NSG2: variants seen among roughly 807,000 people sequenced by gnomAD.
NSG2 encodes the protein neuronal vesicle trafficking-associated protein 2.
Under a neutral mutation model 16.9 loss-of-function variants are expected in NSG2, and 4 were observed. That is an observed-to-expected ratio of 0.24 (90% confidence interval 0.12 to 0.54). The LOEUF is 0.54. Ranked by LOEUF, NSG2 falls within the 20% of genes least tolerant of loss-of-function variation. The pLI is 0.95. For synonymous variants in NSG2, 98 were observed against 88.7 expected (o/e 1.11, Z -0.59); for missense variants, 179 against 221.1 (o/e 0.81, Z 1.21).
At chr5:174,099,940 T>C (rs1043962914) in intron 3 of NSG2, among the ~76,000 whole-genome samples, 1 of 152,154 alleles carries the variant, frequency 6.6e-6, no homozygotes, top group African/African-American at 2.4e-5. Flanking sequence ...CCCTGTAGAC[T>C]GTGAGGTCTC....
At chr5:174,079,361 G>A (rs1243533183) in intron 3 of NSG2, among the ~76,000 whole-genome samples, 1 of 151,814 alleles carries the variant, frequency 6.6e-6, no homozygotes, top group Non-Finnish European at 1.5e-5. Flanking sequence ...GGGCTCAAGC[G>A]ATTCTCCTGC....
At chr5:174,063,205 G>A (rs952832290) in intron 2 of NSG2, among the ~76,000 whole-genome samples, 5 of 152,224 alleles carry the variant, frequency 3.3e-5, no homozygotes, top group Non-Finnish European at 7.3e-5. Context: ...TTACAGATGA[G>A]ACCCTGAGGC....
chr5:174,088,025 AC>A (rs1760660788), intron 3 of NSG2, among the ~76,000 whole-genome samples: 1 of 151,920 alleles, frequency 6.6e-6, no homozygotes, highest in South Asian at 2.1e-4. Flanking sequence ...CACAGATGTT[AC>A]CTCCCATACC....
intron 3 of NSG2, among the ~76,000 whole-genome samples, chr5:174,093,221 A>G (rs1760747402): frequency 6.6e-6 from 1 of 152,176 alleles, no homozygotes; most frequent in Admixed American, 6.5e-5. Context: ...TTGCAGGGCC[A>G]TGAAGTATTG....
intron 2 of NSG2, among the ~76,000 whole-genome samples, chr5:174,056,889 C>T (rs1759975523): frequency 6.6e-6 from 1 of 152,210 alleles, no homozygotes; most frequent in African/African-American, 2.4e-5. Flanking sequence ...TTTGCACTGT[C>T]TGAACCACCA....
At chr5:174,060,026 A>C (rs992453293) in intron 2 of NSG2, among the ~76,000 whole-genome samples, 2 of 152,172 alleles carry the variant, frequency 1.3e-5, no homozygotes, top group Non-Finnish European at 2.9e-5. Context: ...GAAGTGGTCA[A>C]TCCCACTGAA....
chr5:174,073,672 C>T (rs534024453), intron 3 of NSG2, among the ~76,000 whole-genome samples: 7 of 152,204 alleles, frequency 4.6e-5, no homozygotes, highest in Admixed American at 1.3e-4. Context: ...AATTTTTTAA[C>T]GAAACATTCC....
chr5:174,064,552 T>TTG (rs1760109466), intron 3 of NSG2: 1 of 353,456 alleles, frequency 2.8e-6, no homozygotes, highest in Non-Finnish European at 5.1e-6. Context: ...AATCTCATAA[T>TTG]TGATAAATGC....
At chr5:174,071,344 G>T (rs763281582) in intron 3 of NSG2, among the ~76,000 whole-genome samples, 35 of 152,240 alleles carry the variant, frequency 2.3e-4, no homozygotes, top group Middle Eastern at 3.4e-3. Flanking sequence ...AAATTAGCCT[G>T]GTGTGGTGGC....
At chr5:174,088,513 A>C (rs905594567) in intron 3 of NSG2, among the ~76,000 whole-genome samples, 4 of 152,210 alleles carry the variant, frequency 2.6e-5, no homozygotes, top group Admixed American at 6.5e-5. Context: ...GAGTCTGATA[A>C]ATCCAAAACA....
In NSG2 at chr5:174,104,352, G is replaced by A; in HGVS notation, c.324+14G>A. Reference sequence around the variant, plus strand: ...TTCGTCTATAAGGTAAGAGGTGGTTGAGTAGTCCCAGGTCACTATCAAATT... The same window carrying A: ...TTCGTCTATAAGGTAAGAGGTGGTTAAGTAGTCCCAGGTCACTATCAAATT... On this transcript the variant is annotated intron_variant, in intron 4 of 4. Coordinates refer to ENST00000303177, the MANE Select transcript of NSG2 (RefSeq NM_015980.5). 6.4e-7 allele frequency: 1 copy of A among 1,559,772 alleles called. No homozygotes were observed. Among genetic ancestry groups the A allele is most frequent in the Non-Finnish European group, 8.8e-7 (1 of 1,130,828 alleles).
At chr5:174,097,549 G>A (rs994947893) in intron 3 of NSG2, among the ~76,000 whole-genome samples, 1 of 149,762 alleles carries the variant, frequency 6.7e-6, no homozygotes, top group East Asian at 2.0e-4. Context: ...GTGTGTGTCT[G>A]TATGTCTCTG....
In NSG2 at chr5:174,046,800, G is replaced by A. The variant is rs202053280; in HGVS notation, c.45G>A (p.Pro15=). The change falls in exon 2 of 5, where the codon CCG becomes CCA. Residue 15 remains proline, a synonymous_variant. Coordinates refer to ENST00000303177, the MANE Select transcript of NSG2 (RefSeq NM_015980.5). The part of the protein sequence containing the change: ...NSNPSEKGTK[P]PSVEDGFQTV... The stretch of plus-strand genomic sequence containing the variant: ...ACCCCAGCGAGAAGGGAACCAAGCC[G>A]CCTTCAGTTGAGGATGGCTTCCAGA... 39 of 1,614,064 alleles carry A rather than the reference G, an allele frequency of 2.4e-5. No individual in the cohort carries two copies. Among genetic ancestry groups the A allele is most frequent in the African/African-American group, 1.1e-4 (8 of 75,020 alleles).
chr5:174,094,813 C>G (rs1353458751), intron 3 of NSG2, among the ~76,000 whole-genome samples: 1 of 152,192 alleles, frequency 6.6e-6, no homozygotes, highest in Non-Finnish European at 1.5e-5. Context: ...CCTGAAAACT[C>G]ACTGCAGCCA....
intron 4 of NSG2, among the ~76,000 whole-genome samples, chr5:174,106,687 TG>T (rs1760987199): frequency 6.9e-6 from 1 of 144,334 alleles, no homozygotes; most frequent in East Asian, 2.1e-4. Context: ...CTCTGCCTCC[TG>T]GGTTCAAGCG....
chr5:174,106,654 G>A (rs1760986726), intron 4 of NSG2, among the ~76,000 whole-genome samples: 1 of 142,638 alleles, frequency 7.0e-6, no homozygotes, highest in African/African-American at 2.7e-5. Flanking sequence ...GAGTGCAGTG[G>A]TGCCATCTCG....
intron 2 of NSG2, among the ~76,000 whole-genome samples, chr5:174,062,408 T>G (rs1481519815): frequency 6.6e-6 from 1 of 152,252 alleles, no homozygotes; most frequent in African/African-American, 2.4e-5. Flanking sequence ...AGAATTATTT[T>G]TCTTATCTGT....
At chr5:174,058,708 A>G (rs1760003362) in intron 2 of NSG2, among the ~76,000 whole-genome samples, 2 of 152,192 alleles carry the variant, frequency 1.3e-5, no homozygotes, top group African/African-American at 4.8e-5. Context: ...AATGACTGAG[A>G]GGTCAAAGAA....
At chr5:174,054,908 T>C (rs1759943629) in intron 2 of NSG2, among the ~76,000 whole-genome samples, 1 of 152,242 alleles carries the variant, frequency 6.6e-6, no homozygotes, top group South Asian at 2.1e-4. Context: ...TGTTTCCTCA[T>C]GACACTAGTA....
Sources: allele counts gnomAD v4.1 joint callset (sites outside exome capture counted in the v4.1 genomes callset), GRCh38; gene constraint gnomAD v4.1.1; transcripts MANE v1.5; gene names NCBI Gene and HGNC (gene_info 2026-07-23, HGNC 2026-07-21).